ATP11A: variants seen among roughly 807,000 people sequenced by gnomAD.
ATP11A encodes the protein ATPase phospholipid transporting 11A.
A neutral mutation model predicts 154.4 loss-of-function variants in ATP11A; 81 were observed. The observed-to-expected ratio is 0.52, with a 90% CI of 0.44 to 0.63. The LOEUF (loss-of-function observed/expected upper bound fraction) is 0.63. ATP11A is among the 30% of genes least tolerant of loss of function. The pLI, the probability that ATP11A is intolerant of heterozygous loss-of-function variation, is 0.00. For missense variants in ATP11A, 1,316 were observed against 1,474.3 expected, an observed-to-expected ratio of 0.89 and a Z score of 1.76; for synonymous variants, 623 against 585.9, an observed-to-expected ratio of 1.06 and a Z score of -0.91.
intron 2 of ATP11A, among the ~76,000 whole-genome samples, chr13:112,786,825 G>A (rs184939168): frequency 1.3e-5 from 2 of 152,384 alleles, no homozygotes; most frequent in East Asian, 3.9e-4. Context: ...TACATTGGGT[G>A]TCCTGCCGTG....
intron 16 of ATP11A, among the ~76,000 whole-genome samples, chr13:112,840,080 C>G (rs1331679404): frequency 1.3e-5 from 2 of 151,780 alleles, no homozygotes; most frequent in Admixed American, 1.3e-4. Flanking sequence ...GTCCAACTCC[C>G]AGCCTCAGCC....
chr13:112,777,387 A>T (rs2077374297), intron 1 of ATP11A, among the ~76,000 whole-genome samples: 1 of 152,130 alleles, frequency 6.6e-6, no homozygotes, highest in East Asian at 1.9e-4. Context: ...AACACGGTGA[A>T]ACCCAGTCTC....
In ATP11A at chr13:112,875,103, T is replaced by C. The variant is rs1467369413; in HGVS notation, c.3162-673T>C. ...TCCCAGGTCTGCCAGCAGCTGCGTG[T>C]CCCTCCCGTTACCCACCATGCCCTG... On this transcript the variant is annotated intron_variant, in intron 27 of 29. Transcript: ENST00000375645. The surrounding 1 kb of genome is among the most constrained non-coding windows in gnomAD (Gnocchi z 4.1). Among the ~76,000 whole-genome samples the C allele has an allele frequency of 1.3e-5, 2 of 152,156 alleles. No homozygotes were observed. Among genetic ancestry groups the C allele is most frequent in the Middle Eastern group, 3.2e-3 (1 of 316 alleles).
At chr13:112,702,804 G>A (rs548716628) in intron 1 of ATP11A, among the ~76,000 whole-genome samples, 81 of 152,316 alleles carry the variant, frequency 5.3e-4, no homozygotes, top group South Asian at 5.2e-3. Flanking sequence ...GTCTCGCAGC[G>A]CCCCCACCTC....
At chr13:112,803,828 CCCT>C (rs1475141396) in intron 2 of ATP11A, among the ~76,000 whole-genome samples, 2 of 106,284 alleles carry the variant, frequency 1.9e-5, no homozygotes, top group Non-Finnish European at 3.8e-5. Context: ...CCTCTCCTTC[CCCT>C]CCTCCTCCTT....
chr13:112,697,273 C>T lies in ATP11A; in HGVS notation c.39+6818C>T, dbSNP rs947743292. 6.6e-6 allele frequency among the ~76,000 whole-genome samples: 1 copy of T among 152,158 alleles called. No individual in the cohort carries two copies. The highest frequency in any genetic ancestry group is 2.4e-5 in the African/African-American group (1 of 41,444). On this transcript the variant is annotated intron_variant, in intron 1 of 29. Transcript: ENST00000375645. This position sits in a 1 kb window ranked among gnomAD's most constrained non-coding sequence, Gnocchi z 4.0. ...CTTCCCTCTCCATCAACATCCTTGT[C>T]CCAGGAAGAGGCGTCCACTGCCTGC...
intron 25 of ATP11A, among the ~76,000 whole-genome samples, chr13:112,863,170 C>G (rs2080176071): frequency 2.0e-5 from 3 of 150,650 alleles, no homozygotes; most frequent in Non-Finnish European, 4.4e-5. Flanking sequence ...TGCAGCTTCC[C>G]AGCGGGGTCC....
chr13:112,761,434 ATTAG>A (rs1472448929), intron 1 of ATP11A, among the ~76,000 whole-genome samples: 2 of 152,192 alleles, frequency 1.3e-5, no homozygotes, highest in Non-Finnish European at 2.9e-5. Context: ...CTATTTTATT[ATTAG>A]TTATTGTTAA....
chr13:112,791,474 A>T (rs1265310315), intron 2 of ATP11A, among the ~76,000 whole-genome samples: 1 of 152,224 alleles, frequency 6.6e-6, no homozygotes, highest in Non-Finnish European at 1.5e-5. Context: ...GCAGCGGCAG[A>T]GCTTGATCCA....
intron 2 of ATP11A, among the ~76,000 whole-genome samples, chr13:112,787,516 T>G (rs868718873): frequency 1.8e-3 from 157 of 89,672 alleles, no homozygotes; most frequent in African/African-American, 0.012. Flanking sequence ...TAGACTCCTG[T>G]GGATACCTAC....
intron 25 of ATP11A, among the ~76,000 whole-genome samples, chr13:112,865,245 TGGGCA>T: frequency 6.9e-6 from 1 of 145,854 alleles, no homozygotes; most frequent in East Asian, 2.1e-4. Context: ...CATCACCACA[TGGGCA>T]GTAATTCAGT....
At chr13:112,797,926 C>G (rs1237153324) in intron 2 of ATP11A, among the ~76,000 whole-genome samples, 1 of 152,208 alleles carries the variant, frequency 6.6e-6, no homozygotes, top group Non-Finnish European at 1.5e-5. Flanking sequence ...GATTTCCCCA[C>G]AGTTCTAGAG....
At chr13:112,854,766 A>C (rs767635521) in intron 19 of ATP11A, among the ~76,000 whole-genome samples, 2 of 152,244 alleles carry the variant, frequency 1.3e-5, no homozygotes, top group Non-Finnish European at 2.9e-5. Flanking sequence ...GTGTATGTTC[A>C]GTTTCACACT....
chr13:112,825,505 C>T lies in ATP11A; in HGVS notation c.948C>T (p.Tyr316=). ...SKALINTVLK[Y]MWQSEPFRDE... Reference sequence around the variant, plus strand: ...CCCTGATAAACACTGTGCTGAAATACATGTGGCAGAGTGAGCCCTTTCGGG... The same window carrying T: ...CCCTGATAAACACTGTGCTGAAATATATGTGGCAGAGTGAGCCCTTTCGGG... Residue 316 remains tyrosine, a synonymous_variant, in exon 11 of 30, where the codon TAC becomes TAT. Coordinates refer to ENST00000375645, the MANE Select transcript of ATP11A (RefSeq NM_015205.3). The T allele has an allele frequency of 6.2e-7, 1 of 1,613,944 alleles. No individual in the cohort carries two copies. Among genetic ancestry groups the T allele is most frequent in the Non-Finnish European group, 8.5e-7 (1 of 1,179,900 alleles).
intron 25 of ATP11A, among the ~76,000 whole-genome samples, chr13:112,863,205 T>A (rs2080178094): frequency 6.9e-6 from 1 of 144,364 alleles, no homozygotes; most frequent in African/African-American, 2.5e-5. Flanking sequence ...AGTAATTCAG[T>A]GCAGCCCATG....
intron 11 of ATP11A, among the ~76,000 whole-genome samples, chr13:112,825,967 C>A (rs865864623): frequency 1.1e-4 from 16 of 152,324 alleles, no homozygotes; most frequent in Non-Finnish European, 2.1e-4. Context: ...AAACCGAGAC[C>A]TGTGTCCACT....
rs1594276024 is a variant in ATP11A, at chr13:112,884,366, G to A, written c.*2500G>A. On this transcript the variant is annotated 3_prime_UTR_variant, in exon 30 of 30. Transcript: ENST00000375645. Reference sequence around the variant, plus strand: ...AGTTGGGTCCCAGCTCTGCCTGTGTGGAGATAGTCACCATGTACCTCTGAC... The same window carrying A: ...AGTTGGGTCCCAGCTCTGCCTGTGTAGAGATAGTCACCATGTACCTCTGAC... 6.6e-6 allele frequency: 1 copy of A among 152,634 alleles called. No homozygotes were observed. The highest frequency in any genetic ancestry group is 1.9e-4 in the East Asian group (1 of 5,198). 9.5% of individuals were successfully genotyped at this position (152,634 alleles called of 1,614,324 possible).
intron 1 of ATP11A, among the ~76,000 whole-genome samples, chr13:112,695,785 T>C (rs977639411): frequency 4.6e-5 from 7 of 152,252 alleles, no homozygotes; most frequent in African/African-American, 1.7e-4. Flanking sequence ...TTGGAGCATA[T>C]GTTCAATAGA....
At chr13:112,728,327 C>G (rs1367588935) in intron 1 of ATP11A, among the ~76,000 whole-genome samples, 1 of 148,518 alleles carries the variant, frequency 6.7e-6, no homozygotes, top group Non-Finnish European at 1.5e-5. Flanking sequence ...AGACTGCGGC[C>G]CGCCTCCCTG....
Sources: gnomAD v4.1 joint callset for allele counts (sites outside exome capture counted in the v4.1 genomes callset) on GRCh38, gnomAD v4.1.1 for gene constraint, Gnocchi (gnomAD v3.1) non-coding constraint, MANE v1.5 for transcripts, NCBI Gene and HGNC (gene_info 2026-07-23, HGNC 2026-07-21) for gene names.